Variants in FLVCR2 observed in about 807,000 individuals in gnomAD.
FLVCR2 encodes the protein choline/ethanolamine transporter FLVCR2.
FLVCR2 carries 38 observed loss-of-function variants against 48.9 expected under a neutral mutation model. The ratio of observed to expected loss-of-function variants is 0.78; its 90% confidence interval spans 0.60 to 1.02. The LOEUF is 1.02. FLVCR2 is among the 50% of genes least tolerant of loss of function. The pLI is 0.00. For synonymous variants in FLVCR2, 255 were observed against 257.0 expected (o/e 0.99, Z 0.07); for missense variants, 664 against 663.3 (o/e 1.00, Z -0.01).
chr14:75,608,203 C>CATA (rs1889345775), intron 1 of FLVCR2, among the ~76,000 whole-genome samples: 1 of 152,176 alleles, frequency 6.6e-6, no homozygotes, highest in Non-Finnish European at 1.5e-5. Context: ...GCCTTTACAC[C>CATA]GGCTCATGGT....
At chr14:75,585,503 G>A (rs1035137400) in intron 1 of FLVCR2, among the ~76,000 whole-genome samples, 1 of 152,084 alleles carries the variant, frequency 6.6e-6, no homozygotes, top group South Asian at 2.1e-4. Flanking sequence ...AGGGTGGAAG[G>A]TTGCCCATAG....
At chr14:75,593,014 C>T (rs1340744996) in intron 1 of FLVCR2, among the ~76,000 whole-genome samples, 1 of 152,154 alleles carries the variant, frequency 6.6e-6, no homozygotes, top group African/African-American at 2.4e-5. Context: ...CTTTACTGTC[C>T]ATATTTCTAT....
chr14:75,579,391 C>T lies in FLVCR2; in HGVS notation c.419C>T (p.Pro140Leu), dbSNP rs1888538670. 1 of 1,614,118 alleles carries T rather than the reference C, an allele frequency of 6.2e-7. No individual in the cohort carries two copies. Among genetic ancestry groups the T allele is most frequent in the African/African-American group, 1.3e-5 (1 of 74,934 alleles). The change falls in exon 1 of 10, where the codon CCA becomes CTA. Residue 140 changes from proline to leucine, a missense_variant. Coordinates refer to ENST00000238667, the MANE Select transcript of FLVCR2 (RefSeq NM_017791.3). ...YMLTYIPLLL[P>L]VAWLLEKFGL... The stretch of plus-strand genomic sequence containing the variant: ...CTGACTTACATCCCTCTGCTCCTGC[C>T]AGTGGCTTGGCTGCTGGAGAAGTTC...
At chr14:75,640,714 C>G (rs936219737) in intron 6 of FLVCR2, 12 of 551,912 alleles carry the variant, frequency 2.2e-5, no homozygotes, top group Middle Eastern at 4.9e-4. Context: ...GATGGAGAAG[C>G]AGCAAGGGAT....
At chr14:75,631,378 G>C (rs1363973136) in intron 3 of FLVCR2, among the ~76,000 whole-genome samples, 2 of 152,126 alleles carry the variant, frequency 1.3e-5, no homozygotes, top group African/African-American at 4.8e-5. Context: ...GTAGGTCTGG[G>C]GTGGAACAGA....
At chr14:75,589,830 C>T (rs1184788819) in intron 1 of FLVCR2, among the ~76,000 whole-genome samples, 2 of 152,192 alleles carry the variant, frequency 1.3e-5, no homozygotes, top group Admixed American at 6.5e-5. Flanking sequence ...TCAAGCCACA[C>T]CTGGGACCAC....
At position 75,624,697 on chromosome 14, in the gene FLVCR2, TTC is replaced by T; in HGVS notation, c.898_899del (p.Ser300HisfsTer70). 1 of 1,614,150 alleles carries T rather than the reference TTC, an allele frequency of 6.2e-7. No individual in the cohort carries two copies. The highest frequency in any genetic ancestry group is 8.5e-7 in the Non-Finnish European group (1 of 1,180,024). ...CCTCTCCTGATGCCTCATACTTAGGTTCCATCGCCCGGCTCTTCAAAAATCTC... is the reference window on the plus strand; with the variant it reads ...CCTCTCCTGATGCCTCATACTTAGGTCATCGCCCGGCTCTTCAAAAATCTC... ...LTSPDASYLG[S>X]IARLFKNLNF... is the part of the protein sequence containing the mutation. On this transcript the variant is annotated frameshift_variant, in exon 3 of 10. Transcript: ENST00000238667. LOFTEE classifies it high-confidence loss of function.
chr14:75,630,326 C>T (rs996017480), intron 3 of FLVCR2, among the ~76,000 whole-genome samples: 4 of 152,174 alleles, frequency 2.6e-5, no homozygotes, highest in African/African-American at 9.7e-5. Context: ...AACCCCACCA[C>T]CTGGGAGCCT....
intron 2 of FLVCR2, among the ~76,000 whole-genome samples, chr14:75,622,826 TA>T (rs950624716): frequency 4.6e-5 from 7 of 152,016 alleles, no homozygotes; most frequent in East Asian, 3.8e-4. Flanking sequence ...TAATGCCTTT[TA>T]AAAAAATTAT....
chr14:75,606,306 TG>T (rs1278751595), intron 1 of FLVCR2, among the ~76,000 whole-genome samples: 1 of 152,174 alleles, frequency 6.6e-6, no homozygotes, highest in Non-Finnish European at 1.5e-5. Flanking sequence ...GGATTACAGA[TG>T]TGAGCCACCA....
At chr14:75,596,271 T>G in intron 1 of FLVCR2, 1 of 539,392 alleles carries the variant, frequency 1.9e-6, no homozygotes, top group Non-Finnish European at 3.3e-6. Flanking sequence ...TAGCCTCCTA[T>G]TGTGCATTGG....
chr14:75,617,767 A>C (rs553194209), intron 1 of FLVCR2, among the ~76,000 whole-genome samples: 398 of 152,382 alleles, frequency 2.6e-3, no homozygotes, highest in African/African-American at 9.1e-3. Context: ...CATGGAGCTT[A>C]TAATCTGGTT....
At chr14:75,637,450 G>C (rs547436559) in intron 5 of FLVCR2, among the ~76,000 whole-genome samples, 104 of 152,336 alleles carry the variant, frequency 6.8e-4, no homozygotes, top group Admixed American at 1.6e-3. Context: ...ATTTTGGCCA[G>C]GTGCGGTGGC....
chr14:75,611,012 T>C (rs1889430636), intron 1 of FLVCR2, among the ~76,000 whole-genome samples: 1 of 152,240 alleles, frequency 6.6e-6, no homozygotes, highest in Non-Finnish European at 1.5e-5. Flanking sequence ...GCTGTCTCTG[T>C]TCTTGTGATT....
Position 75,635,029 on chromosome 14 carries a change from T to A in FLVCR2, c.1124+16T>A. ...AAACCTACAAGTAAGTGACTCATCC[T>A]CTTGGACTGAGAATTGGGGACCTGT... On this transcript the variant is annotated intron_variant, in intron 5 of 9. Coordinates refer to ENST00000238667, the MANE Select transcript of FLVCR2 (RefSeq NM_017791.3). 1 of 1,513,532 alleles carries A rather than the reference T, an allele frequency of 6.6e-7. No homozygotes were observed. Among genetic ancestry groups the A allele is most frequent in the Non-Finnish European group, 9.2e-7 (1 of 1,088,410 alleles). 93.8% of individuals were successfully genotyped at this position (1,513,532 alleles called of 1,614,324 possible).
intron 3 of FLVCR2, chr14:75,632,472 C>G: frequency 1.7e-6 from 1 of 593,530 alleles, no homozygotes; most frequent in East Asian, 2.8e-5. Flanking sequence ...CTGGAAGCTA[C>G]CCCTACGGAA....
At chr14:75,639,083 G>A (rs183895491) in intron 5 of FLVCR2, among the ~76,000 whole-genome samples, 12 of 152,232 alleles carry the variant, frequency 7.9e-5, no homozygotes, top group Admixed American at 3.9e-4. Context: ...GGCGTGATGC[G>A]CACAACTGTC....
chr14:75,615,385 G>A (rs1253790667), intron 1 of FLVCR2, among the ~76,000 whole-genome samples: 1 of 152,156 alleles, frequency 6.6e-6, no homozygotes, highest in African/African-American at 2.4e-5. Flanking sequence ...GTAGGATGAT[G>A]GTTTGTATGA....
At chr14:75,597,633 G>T (rs995142262) in intron 1 of FLVCR2, among the ~76,000 whole-genome samples, 3 of 152,052 alleles carry the variant, frequency 2.0e-5, no homozygotes, top group Non-Finnish European at 4.4e-5. Context: ...GCAGTGGGGT[G>T]ATCTTGGCTC....
Sources: gnomAD v4.1 joint callset for allele counts (sites outside exome capture counted in the v4.1 genomes callset) on GRCh38, gnomAD v4.1.1 for gene constraint, MANE v1.5 for transcripts, NCBI Gene and HGNC (gene_info 2026-07-23, HGNC 2026-07-21) for gene names.